The following LRRC2 variants were observed in gnomAD, a reference collection of about 807,000 sequenced individuals.
LRRC2 encodes leucine-rich repeat-containing protein 2.
Under a neutral mutation model 40.2 loss-of-function variants are expected in LRRC2, and 27 were observed. The observed-to-expected ratio is 0.67, with a 90% CI of 0.49 to 0.93. The LOEUF is 0.93. Ranked by LOEUF, LRRC2 falls within the 40% of genes least tolerant of loss-of-function variation. LRRC2 has a pLI of 0.00. For synonymous variants in LRRC2, 147 were observed against 158.9 expected (o/e 0.92, Z 0.56); for missense variants, 402 against 439.6 (o/e 0.91, Z 0.76).
chr3:46,543,618 T>TTAATAATAATAA (rs202012137), intron 3 of LRRC2, among the ~76,000 whole-genome samples: 1,701 of 105,064 alleles, frequency 0.016, 12 homozygotes, highest in Middle Eastern at 0.05. Flanking sequence ...TCCATCTCAA[T>TTAATAATAATAA]TAATAATAAT....
chr3:46,551,751 C>CTTTTT (rs748541390), intron 1 of LRRC2, 141 bp from the exon 2 acceptor site: 18 of 138,914 alleles, frequency 1.3e-4, no homozygotes, highest in East Asian at 3.8e-4. Context: ...TGACAGTTTG[C>CTTTTT]TTTTTTTTTT....
chr3:46,562,201 A>G (rs1704959367), intron 1 of LRRC2, among the ~76,000 whole-genome samples: 1 of 152,188 alleles, frequency 6.6e-6, no homozygotes, highest in South Asian at 2.1e-4. Flanking sequence ...GTCAGCTGCC[A>G]TGTCATGATG....
Position 46,515,602 on chromosome 3 carries a change from A to G in LRRC2, c.*3412T>C, listed in dbSNP as rs941410040. 2.0e-5 allele frequency: 3 copies of G among 152,200 alleles called. No homozygotes were observed. Among genetic ancestry groups the G allele is most frequent in the Non-Finnish European group, 4.4e-5 (3 of 68,030 alleles). 9.4% of individuals were successfully genotyped at this position (152,200 alleles called of 1,614,324 possible). A position where few individuals can be genotyped will look rare whatever the true frequency, so the allele number is the denominator to read the frequency against. ...AATAGTATCTCTACAAACATATTCA[A>G]GTAATTATTTGTTTTGGGTTATTAT... On this transcript the variant is annotated 3_prime_UTR_variant, in exon 9 of 9. Transcript: ENST00000395905.
chr3:46,528,618 C>T (rs1292461135), intron 6 of LRRC2, among the ~76,000 whole-genome samples: 1 of 152,044 alleles, frequency 6.6e-6, no homozygotes, highest in Non-Finnish European at 1.5e-5. Context: ...CATTTATTTC[C>T]AAAACTTTGG....
intron 2 of LRRC2, among the ~76,000 whole-genome samples, chr3:46,547,116 C>G (rs1281912623): frequency 6.6e-6 from 1 of 152,180 alleles, no homozygotes; most frequent in African/African-American, 2.4e-5. Context: ...GGGCTGGCTC[C>G]CCAGGTCTAC....
intron 1 of LRRC2, among the ~76,000 whole-genome samples, chr3:46,563,583 C>T (rs992727383): frequency 6.6e-6 from 1 of 152,248 alleles, no homozygotes; most frequent in African/African-American, 2.4e-5. Context: ...TTCCCAGCCT[C>T]CTCATCTAAA....
chr3:46,544,364 C>T (rs1319008039), intron 3 of LRRC2, among the ~76,000 whole-genome samples: 1 of 152,154 alleles, frequency 6.6e-6, no homozygotes, highest in African/African-American at 2.4e-5. Flanking sequence ...ACTAAAAATA[C>T]AAAAATTAGC....
intron 1 of LRRC2, among the ~76,000 whole-genome samples, chr3:46,565,536 G>A (rs934902503): frequency 2.0e-5 from 3 of 152,236 alleles, no homozygotes; most frequent in Non-Finnish European, 4.4e-5. Context: ...CACCTGGCAT[G>A]ATTAGCAGAG....
chr3:46,529,650 G>A (rs4683243), intron 6 of LRRC2, among the ~76,000 whole-genome samples: 15,672 of 152,088 alleles, frequency 0.1, 1,190 homozygotes, highest in East Asian at 0.35. Context: ...GCCATTCTAC[G>A]GAGACTAAAG....
chr3:46,548,989 G>C (rs982468975), intron 2 of LRRC2, among the ~76,000 whole-genome samples: 13 of 152,278 alleles, frequency 8.5e-5, no homozygotes, highest in Admixed American at 8.5e-4. Context: ...CACACCTCCT[G>C]CTGTGTGGCC....
At chr3:46,565,072 C>T (rs150616635) in intron 1 of LRRC2, among the ~76,000 whole-genome samples, 190 of 152,336 alleles carry the variant, frequency 1.2e-3, no homozygotes, top group African/African-American at 4.0e-3. Context: ...GTATAGTCAG[C>T]CAAATTCTGA....
chr3:46,521,510 T>C lies in LRRC2; in HGVS notation c.1066+12A>G. The C allele has an allele frequency of 6.4e-7, 1 of 1,564,824 alleles. No individual in the cohort carries two copies. Among genetic ancestry groups the C allele is most frequent in the Non-Finnish European group, 8.7e-7 (1 of 1,152,814 alleles). On this transcript the variant is annotated intron_variant, in intron 8 of 8. Coordinates refer to ENST00000395905, the MANE Select transcript of LRRC2 (RefSeq NM_024512.5). ...CACTAATTTTAAATAATTTTAAATA[T>C]GAGTAACCCACCTCTTTCTTTAAGG...
intron 1 of LRRC2, chr3:46,557,730 T>C (rs767036036): frequency 1.3e-5 from 2 of 152,240 alleles, no homozygotes; most frequent in Non-Finnish European, 2.9e-5. Context: ...GCCCATCAGA[T>C]AGCAGGTAAG....
At chr3:46,529,434 T>C (rs1704119267) in intron 6 of LRRC2, among the ~76,000 whole-genome samples, 1 of 152,144 alleles carries the variant, frequency 6.6e-6, no homozygotes, top group Admixed American at 6.5e-5. Flanking sequence ...AATTTAAAAA[T>C]ATGTACATTT....
intron 2 of LRRC2, 47 bp from the exon 3 acceptor site, chr3:46,545,300 A>G: frequency 1.3e-6 from 2 of 1,563,394 alleles, no homozygotes; most frequent in Non-Finnish European, 1.8e-6. Context: ...GGGACTGGCC[A>G]TCACCTGCCT....
intron 4 of LRRC2, among the ~76,000 whole-genome samples, chr3:46,533,269 C>T (rs1003921042): frequency 1.3e-5 from 2 of 152,144 alleles, no homozygotes; most frequent in Admixed American, 6.5e-5. Flanking sequence ...CTACCTACTC[C>T]CTGTTCTCCC....
At chr3:46,556,425 A>C (rs56695799) in intron 1 of LRRC2, among the ~76,000 whole-genome samples, 7,363 of 151,950 alleles carry the variant, frequency 0.048, 272 homozygotes, top group South Asian at 0.15. Flanking sequence ...CCGCACCTGG[A>C]AAAATTTTTT....
At chr3:46,541,565 G>A (rs183653343) in intron 3 of LRRC2, among the ~76,000 whole-genome samples, 6 of 152,236 alleles carry the variant, frequency 3.9e-5, no homozygotes, top group East Asian at 1.9e-4. Flanking sequence ...CCAGACAGCC[G>A]GAAGATGGTA....
At chr3:46,535,176 A>G (rs946352756) in intron 4 of LRRC2, among the ~76,000 whole-genome samples, 2 of 152,182 alleles carry the variant, frequency 1.3e-5, no homozygotes, top group Admixed American at 1.3e-4. Flanking sequence ...TAGGGTGACA[A>G]CCTTACCTAA....
Sources: allele counts gnomAD v4.1 joint callset (sites outside exome capture counted in the v4.1 genomes callset), GRCh38; gene constraint gnomAD v4.1.1; transcripts MANE v1.5; gene names NCBI Gene and HGNC (gene_info 2026-07-23, HGNC 2026-07-21).